Variants in TMEM200A observed in about 807,000 individuals in gnomAD.
TMEM200A encodes transmembrane protein 200A, also known as two transmembrane C.
A neutral mutation model predicts 24.3 loss-of-function variants in TMEM200A; 12 were observed. The observed-to-expected ratio is 0.49, with a 90% CI of 0.32 to 0.80. The LOEUF (loss-of-function observed/expected upper bound fraction) is 0.80, where lower values mean the gene tolerates loss of function less well. TMEM200A is among the 30% of genes least tolerant of loss of function. TMEM200A has a pLI of 0.04. For synonymous variants in TMEM200A, 224 were observed against 224.4 expected, an observed-to-expected ratio of 1.00 and a Z score of 0.02; for missense variants, 545 against 614.4, an observed-to-expected ratio of 0.89 and a Z score of 1.19.
chr6:130,418,064 C>T (rs1221902398), intron 2 of TMEM200A, among the ~76,000 whole-genome samples: 1 of 152,248 alleles, frequency 6.6e-6, no homozygotes, highest in Non-Finnish European at 1.5e-5. Flanking sequence ...CTCCTGCAGA[C>T]CTTCACTAGT....
At chr6:130,430,282 C>T (rs534093976) in intron 2 of TMEM200A, among the ~76,000 whole-genome samples, 17 of 152,124 alleles carry the variant, frequency 1.1e-4, no homozygotes, top group African/African-American at 3.9e-4. Context: ...CCATCATGGA[C>T]TCTACCCTCA....
chr6:130,396,215 G>A (rs921767459), intron 2 of TMEM200A, among the ~76,000 whole-genome samples: 1 of 152,112 alleles, frequency 6.6e-6, no homozygotes, highest in Non-Finnish European at 1.5e-5. Context: ...TGTAATGGGT[G>A]CTCTGAAAAT....
intron 2 of TMEM200A, among the ~76,000 whole-genome samples, chr6:130,401,451 T>G (rs1779083889): frequency 6.6e-6 from 1 of 150,430 alleles, no homozygotes. Context: ...CCTTCCTTCC[T>G]TCCTTCCTTC....
At position 130,440,768 on chromosome 6, in the gene TMEM200A, T is replaced by G; in HGVS notation, c.346T>G (p.Phe116Val). 1.2e-6 allele frequency: 2 copies of G among 1,614,012 alleles called. No individual in the cohort carries two copies. Among genetic ancestry groups the G allele is most frequent in the Non-Finnish European group, 1.7e-6 (2 of 1,179,958 alleles). ...TGAAGGCGGTGTGGTGGTTCGCTTC[T>G]TTGAGCAGCATTTGCATTCTGATAA... The part of the protein sequence containing the change: ...RNEGGVVVRF[F>V]EQHLHSDKMK... Residue 116 changes from phenylalanine (F) to valine (V), a missense_variant, in exon 3 of 3, where the codon TTT becomes GTT. Physicochemically the swap from Phe to Val is conservative, Grantham distance 50 (BLOSUM62 -1). Transcript: ENST00000296978.
intron 2 of TMEM200A, chr6:130,421,384 G>A (rs1481593751): frequency 6.6e-6 from 1 of 151,898 alleles, no homozygotes; most frequent in Non-Finnish European, 1.5e-5. Flanking sequence ...AGATTTTTTT[G>A]TTTGTTTTTT....
intron 2 of TMEM200A, among the ~76,000 whole-genome samples, chr6:130,408,725 GAGA>G (rs1181642053): frequency 1.3e-5 from 2 of 152,168 alleles, no homozygotes; most frequent in African/African-American, 4.8e-5. Context: ...GTGGGTCACA[GAGA>G]AGTTTGACAG....
intron 2 of TMEM200A, among the ~76,000 whole-genome samples, chr6:130,405,606 T>C (rs1415034762): frequency 2.6e-5 from 4 of 152,216 alleles, no homozygotes; most frequent in East Asian, 1.9e-4. Flanking sequence ...CTGGGAACTC[T>C]CACTTTCCTC....
rs1017837880 is a variant in TMEM200A at position 130,440,751 on chromosome 6, G to A, written c.329G>A (p.Gly110Asp). ...ACTCAGGTCATTCGGAATGAAGGCG[G>A]TGTGGTGGTTCGCTTCTTTGAGCAG... ...NETQVIRNEG[G>D]VVVRFFEQHL... The change falls in exon 3 of 3, where the codon GGT (glycine) becomes GAT (aspartate). Residue 110 changes from glycine (G) to aspartate (D), a missense_variant. Gly to Asp is a moderately conservative substitution (Grantham distance 94). Transcript: ENST00000296978. 11 of 1,613,950 alleles carry A rather than the reference G, an allele frequency of 6.8e-6. No individual in the cohort carries two copies. Among genetic ancestry groups the A allele is most frequent in the Admixed American group, 6.7e-5 (4 of 60,026 alleles).
intron 2 of TMEM200A, among the ~76,000 whole-genome samples, chr6:130,387,898 T>C (rs919024425): frequency 1.3e-5 from 2 of 152,212 alleles, no homozygotes; most frequent in Non-Finnish European, 2.9e-5. Context: ...GTTTGCCTTT[T>C]TCAAGGTAGG....
At chr6:130,375,842 A>G (rs184784091) in intron 1 of TMEM200A, among the ~76,000 whole-genome samples, 1 of 152,292 alleles carries the variant, frequency 6.6e-6, no homozygotes, top group African/African-American at 2.4e-5. Context: ...CACTGTAATG[A>G]TGATATTGGT....
intron 2 of TMEM200A, among the ~76,000 whole-genome samples, chr6:130,425,561 C>T (rs1779712670): frequency 6.6e-6 from 1 of 152,146 alleles, no homozygotes; most frequent in African/African-American, 2.4e-5. Flanking sequence ...CCTGAGAAAG[C>T]TGAGCAATTA....
chr6:130,422,739 G>T (rs901210591), intron 2 of TMEM200A, among the ~76,000 whole-genome samples: 1 of 152,050 alleles, frequency 6.6e-6, no homozygotes, highest in African/African-American at 2.4e-5. Context: ...CCTTAGAGAG[G>T]GTTTCCCACT....
rs567569473 is a variant in TMEM200A, at chr6:130,381,210, AT to A, written c.-80-3960del. On this transcript the variant is annotated intron_variant, in intron 1 of 2. Transcript: ENST00000296978. Reference sequence around the variant, plus strand: ...AGTCCTTTGGCATCTTTCTCTTCTTATTTGAATGCTTAGAAGGGGAACTTAT... The same window carrying A: ...AGTCCTTTGGCATCTTTCTCTTCTTATTGAATGCTTAGAAGGGGAACTTAT... Among the ~76,000 whole-genome samples, 536 of 152,178 alleles carry A rather than the reference AT, an allele frequency of 3.5e-3. 5 individuals carry two copies. Among genetic ancestry groups the A allele is most frequent in the African/African-American group, 0.012 (516 of 41,518 alleles).
intron 1 of TMEM200A, among the ~76,000 whole-genome samples, chr6:130,371,650 T>G (rs943944441): frequency 2.0e-5 from 3 of 152,154 alleles, no homozygotes; most frequent in Admixed American, 6.5e-5. Context: ...AATGTCAAGG[T>G]AAGACATTCT....
chr6:130,401,364 C>T (rs1779078144), intron 2 of TMEM200A, among the ~76,000 whole-genome samples: 1 of 149,856 alleles, frequency 6.7e-6, no homozygotes, highest in South Asian at 2.1e-4. Context: ...TTTCTTCCTT[C>T]CTCCCTCCCC....
chr6:130,422,713 G>T (rs1779627738), intron 2 of TMEM200A, among the ~76,000 whole-genome samples: 1 of 152,172 alleles, frequency 6.6e-6, no homozygotes, highest in African/African-American at 2.4e-5. Context: ...CATGGGAACT[G>T]TTTTGTACCA....
chr6:130,367,681 T>G (rs1466104705), intron 1 of TMEM200A, among the ~76,000 whole-genome samples: 1 of 152,220 alleles, frequency 6.6e-6, no homozygotes, highest in African/African-American at 2.4e-5. Flanking sequence ...GTTTCATTCT[T>G]TATAAACACC....
chr6:130,382,260 T>G (rs1778616997), intron 1 of TMEM200A, among the ~76,000 whole-genome samples: 1 of 152,176 alleles, frequency 6.6e-6, no homozygotes, highest in African/African-American at 2.4e-5. Context: ...GCACAGTGTG[T>G]GGCACAAAGT....
intron 2 of TMEM200A, among the ~76,000 whole-genome samples, chr6:130,412,227 A>G (rs1052761382): frequency 2.0e-5 from 3 of 149,586 alleles, no homozygotes; most frequent in African/African-American, 7.4e-5. Context: ...AATGGTATTT[A>G]GAAACCAAGG....
Sources: allele counts gnomAD v4.1 joint callset (sites outside exome capture counted in the v4.1 genomes callset), GRCh38; gene constraint gnomAD v4.1.1; transcripts MANE v1.5; gene names NCBI Gene and HGNC (gene_info 2026-07-23, HGNC 2026-07-21).